The following FOCAD variants were observed in gnomAD, a reference collection of about 807,000 sequenced individuals.
The protein encoded by FOCAD is focadhesin.
In FOCAD, 198 loss-of-function variants were observed where a neutral mutation model predicts 225.6. The observed-to-expected ratio is 0.88, with a 90% CI of 0.78 to 0.99. The LOEUF is 0.99. Ranked by LOEUF, FOCAD falls within the 50% of genes least tolerant of loss-of-function variation. FOCAD has a pLI of 0.00. For missense variants in FOCAD, 2,713 were observed against 2,123.6 expected (o/e 1.28, Z -5.46); for synonymous variants, 897 against 755.0 (o/e 1.19, Z -3.08).
At chr9:20,675,534 T>C (rs1822206618) in intron 2 of FOCAD, among the ~76,000 whole-genome samples, 1 of 152,178 alleles carries the variant, frequency 6.6e-6, no homozygotes, top group Non-Finnish European at 1.5e-5. Context: ...GAGACAATGG[T>C]CAGAAAATGT....
intron 1 of FOCAD, among the ~76,000 whole-genome samples, chr9:20,697,387 A>G (rs905384844): frequency 2.0e-5 from 3 of 152,170 alleles, no homozygotes; most frequent in African/African-American, 4.8e-5. Flanking sequence ...TTCCCATCTC[A>G]CTGAGAAACA....
chr9:20,964,210 A>G (rs750710574), intron 35 of FOCAD, among the ~76,000 whole-genome samples: 19 of 151,980 alleles, frequency 1.3e-4, no homozygotes, highest in Non-Finnish European at 2.4e-4. Flanking sequence ...TACAGAAAAT[A>G]CAAAAAATTA....
rs577044055 is a variant in FOCAD, at chr9:20,700,396, AT to A, written c.-32-14915del. 3.7e-3 allele frequency among the ~76,000 whole-genome samples: 494 copies of A among 135,078 alleles called. 2 individuals are homozygous for A. The highest frequency in any genetic ancestry group is 6.4e-3 in the African/African-American group (243 of 37,970). The allele number at this position is 135,078 out of a possible 152,430, so 88.6% of individuals were successfully genotyped here. On this transcript the variant is annotated intron_variant, in intron 1 of 43. Coordinates refer to ENST00000338382, the MANE Select transcript of FOCAD (RefSeq NM_001375567.1). Reference sequence around the variant, plus strand: ...TGTTAGCTTTTACATGTGTTCTTTGATTTTTTTTTTTAAAGAAAATGTACCA... The same window carrying A: ...TGTTAGCTTTTACATGTGTTCTTTGATTTTTTTTTTAAAGAAAATGTACCA...
chr9:20,769,096 T>C (rs750909938), intron 7 of FOCAD, among the ~76,000 whole-genome samples: 18 of 152,224 alleles, frequency 1.2e-4, no homozygotes, highest in Non-Finnish European at 2.1e-4. Context: ...CTACTGTGTG[T>C]TTGCAAGAGA....
chr9:20,923,882 T>C lies in FOCAD; in HGVS notation c.2961+114T>C. ...ATTCTGTGATTATGGCACCAAGTTA[T>C]AGTACTTGATGGGCCTTTATACTGT... On this transcript the variant is annotated intron_variant, in intron 25 of 43. Coordinates refer to ENST00000338382, the MANE Select transcript of FOCAD (RefSeq NM_001375567.1). The C allele has an allele frequency of 5.4e-6, 4 of 743,532 alleles. No homozygotes were observed. The South Asian group carries it at 6.4e-5, about 12-fold the overall frequency. 46.1% of individuals were successfully genotyped at this position (743,532 alleles called of 1,614,324 possible).
intron 1 of FOCAD, among the ~76,000 whole-genome samples, chr9:20,710,840 G>A (rs1423298070): frequency 6.6e-6 from 1 of 152,120 alleles, no homozygotes; most frequent in African/African-American, 2.4e-5. Context: ...AAATTTGAAT[G>A]TTAATTGTAG....
intron 22 of FOCAD, among the ~76,000 whole-genome samples, chr9:20,911,580 T>C (rs555357610): frequency 1.3e-5 from 2 of 152,290 alleles, no homozygotes; most frequent in South Asian, 4.1e-4. Flanking sequence ...TCTTTGGTTA[T>C]TGACAACAAA....
intron 11 of FOCAD, among the ~76,000 whole-genome samples, chr9:20,798,827 G>C (rs1221769078): frequency 6.6e-6 from 1 of 151,888 alleles, no homozygotes; most frequent in Non-Finnish European, 1.5e-5. Flanking sequence ...TTTTTGAAGG[G>C]TTTTTTGTGT....
intron 15 of FOCAD, among the ~76,000 whole-genome samples, chr9:20,833,740 C>T (rs1325431955): frequency 6.6e-6 from 1 of 152,014 alleles, no homozygotes; most frequent in East Asian, 1.9e-4. Context: ...ACAAACTGCT[C>T]TTCAAAAAAG....
intron 1 of FOCAD, among the ~76,000 whole-genome samples, chr9:20,689,579 T>A (rs998612500): frequency 6.6e-6 from 1 of 151,716 alleles, no homozygotes; most frequent in Admixed American, 6.6e-5. Flanking sequence ...GCCTAGGAGG[T>A]ATGGGGAGCA....
intron 11 of FOCAD, among the ~76,000 whole-genome samples, chr9:20,799,928 G>T (rs996695340): frequency 1.1e-4 from 17 of 152,106 alleles, no homozygotes; most frequent in African/African-American, 4.1e-4. Context: ...AGTTGATGCA[G>T]TTTCTTCCTA....
At chr9:20,711,141 T>C (rs1824814107) in intron 1 of FOCAD, among the ~76,000 whole-genome samples, 1 of 152,232 alleles carries the variant, frequency 6.6e-6, no homozygotes, top group African/African-American at 2.4e-5. Flanking sequence ...CTGTTAGATG[T>C]AGCTAGTTGG....
At chr9:20,931,902 CA>C (rs11343467) in intron 27 of FOCAD, among the ~76,000 whole-genome samples, 93,490 of 120,518 alleles carry the variant, frequency 0.78, 35,069 homozygotes, top group Admixed American at 0.83. Flanking sequence ...GACTCTATCT[CA>C]AAAAAAAAAA....
chr9:20,775,132 A>C (rs1460491456), intron 8 of FOCAD, among the ~76,000 whole-genome samples: 1 of 152,166 alleles, frequency 6.6e-6, no homozygotes, highest in East Asian at 1.9e-4. Flanking sequence ...TTCTACTCTT[A>C]TATCAGCGTT....
At chr9:20,871,389 C>T (rs973507205) in intron 18 of FOCAD, among the ~76,000 whole-genome samples, 1 of 151,458 alleles carries the variant, frequency 6.6e-6, no homozygotes, top group African/African-American at 2.4e-5. Context: ...TTTTATTTTT[C>T]TGAGTGTTTT....
chr9:20,893,775 C>T (rs972300089), intron 21 of FOCAD, among the ~76,000 whole-genome samples: 1 of 152,034 alleles, frequency 6.6e-6, no homozygotes, highest in African/African-American at 2.4e-5. Flanking sequence ...CATACAACTC[C>T]CTGCTCACTC....
rs573688857 is a variant in FOCAD at position 20,771,139 on chromosome 9, G to C, written c.906+901G>C. 2.6e-5 allele frequency among the ~76,000 whole-genome samples: 4 copies of C among 152,296 alleles called. No individual in the cohort carries two copies. The South Asian group carries it at 8.3e-4, about 32-fold the overall frequency. ...GGAAGGGCATTCCAGCTGTAGAACA[G>C]CATGTGCCCAAATAGAGAGACATGA... is the stretch of plus-strand genomic sequence containing the variant. On this transcript the variant is annotated intron_variant, in intron 8 of 43. Transcript: ENST00000338382.
intron 35 of FOCAD, among the ~76,000 whole-genome samples, chr9:20,969,154 T>TAA (rs1839537882): frequency 6.6e-6 from 1 of 152,170 alleles, no homozygotes; most frequent in South Asian, 2.1e-4. Flanking sequence ...TTTAGTCTTT[T>TAA]AAAATTTATT....
At chr9:20,690,311 G>A (rs183486239) in intron 1 of FOCAD, among the ~76,000 whole-genome samples, 17 of 152,192 alleles carry the variant, frequency 1.1e-4, no homozygotes, top group Admixed American at 6.5e-4. Context: ...GGATTATTCC[G>A]TTCATTATGC....
Sources: allele counts gnomAD v4.1 joint callset (sites outside exome capture counted in the v4.1 genomes callset), GRCh38; gene constraint gnomAD v4.1.1; transcripts MANE v1.5; gene names NCBI Gene and HGNC (gene_info 2026-07-23, HGNC 2026-07-21).